RASEF: variants seen among roughly 807,000 people sequenced by gnomAD.
RASEF encodes ras and EF-hand domain-containing protein.
RASEF carries 68 observed loss-of-function variants against 90.1 expected under a neutral mutation model. The ratio of observed to expected loss-of-function variants is 0.75; its 90% confidence interval spans 0.62 to 0.92. The LOEUF (loss-of-function observed/expected upper bound fraction) is 0.92. Ranked by LOEUF, RASEF falls within the 40% of genes least tolerant of loss-of-function variation. The pLI, the probability that RASEF is intolerant of heterozygous loss-of-function variation, is 0.00. For synonymous variants in RASEF, 331 were observed against 345.2 expected, an observed-to-expected ratio of 0.96 and a Z score of 0.46; for missense variants, 949 against 937.2, an observed-to-expected ratio of 1.01 and a Z score of -0.16.
At chr9:83,026,239 A>T (rs1546316) in intron 1 of RASEF, among the ~76,000 whole-genome samples, 73,405 of 152,086 alleles carry the variant, frequency 0.48, 18,052 homozygotes, top group East Asian at 0.73. Context: ...AGGTAACATT[A>T]AATCAGTTAC....
chr9:83,112,785 A>G, the RASEF span, among the ~76,000 whole-genome samples: 1 of 152,174 alleles, frequency 6.6e-6, no homozygotes, highest in African/African-American at 2.4e-5. Flanking sequence ...ATGAAAAAAA[A>G]GATACAAAAC....
chr9:83,215,623 A>T, the RASEF span, among the ~76,000 whole-genome samples: 1 of 152,236 alleles, frequency 6.6e-6, no homozygotes, highest in African/African-American at 2.4e-5. Context: ...ACCCAGTCTC[A>T]GGTATGTCTT....
chr9:83,207,115 C>T, the RASEF span, among the ~76,000 whole-genome samples: 258 of 152,204 alleles, frequency 1.7e-3, 1 homozygote, highest in African/African-American at 6.0e-3. Context: ...GTCTCCAGTA[C>T]ACTGGCCCCA....
intron 14 of RASEF, among the ~76,000 whole-genome samples, chr9:82,995,849 A>C (rs926643355): frequency 7.9e-5 from 12 of 152,114 alleles, no homozygotes. Flanking sequence ...TCTATTCCTA[A>C]CCACTAAATA....
chr9:83,066,420 A>G (rs570327133), upstream of RASEF, among the ~76,000 whole-genome samples: 36 of 152,336 alleles, frequency 2.4e-4, no homozygotes, highest in Admixed American at 1.5e-3. Flanking sequence ...AACCCCAGCA[A>G]TATACTCAGG....
At chr9:83,063,508 A>G (rs970236674), upstream of RASEF, among the ~76,000 whole-genome samples, 6 of 152,240 alleles carry the variant, frequency 3.9e-5, no homozygotes, top group Non-Finnish European at 5.9e-5. Context: ...GAAGTTTCTT[A>G]CAAACCAAAG....
chr9:83,085,064 A>C, the RASEF span, among the ~76,000 whole-genome samples: 1 of 152,200 alleles, frequency 6.6e-6, no homozygotes, highest in African/African-American at 2.4e-5. Flanking sequence ...TTTTAAAAAG[A>C]TATATCCCAG....
chr9:83,197,777 T>C, the RASEF span, among the ~76,000 whole-genome samples: 3 of 152,162 alleles, frequency 2.0e-5, no homozygotes, highest in African/African-American at 4.8e-5. Flanking sequence ...CCTTTTTGCT[T>C]CCGTTAGTCT....
At chr9:83,060,492 T>A (rs1365589113) in intron 1 of RASEF, among the ~76,000 whole-genome samples, 1 of 152,160 alleles carries the variant, frequency 6.6e-6, no homozygotes, top group Admixed American at 6.5e-5. Context: ...CTTCTCTTTG[T>A]CCCCAGCAAC....
chr9:83,062,585 C>T lies in RASEF; in HGVS notation c.283G>A (p.Ala95Thr). 2 of 1,590,350 alleles carry T rather than the reference C, an allele frequency of 1.3e-6. No individual in the cohort carries two copies. The highest frequency in any genetic ancestry group is 1.7e-6 in the Non-Finnish European group (2 of 1,170,254). Reference protein sequence around the residue: ...PLDPAPAVSEAGPETHDSEED... With the variant: ...PLDPAPAVSETGPETHDSEED... ...TCGCTGTCGTGTGTCTCCGGCCCCG[C>T]CTCAGACACGGCGGGCGCGGGATCC... Residue 95 changes from alanine to threonine, a missense_variant, in exon 1 of 17, where the codon GCG becomes ACG. Coordinates refer to ENST00000376447, the MANE Select transcript of RASEF (RefSeq NM_152573.4).
chr9:83,014,733 G>T (rs1306732047), intron 4 of RASEF, among the ~76,000 whole-genome samples: 1 of 152,158 alleles, frequency 6.6e-6, no homozygotes, highest in African/African-American at 2.4e-5. Flanking sequence ...GAGCCAGCCT[G>T]TACCAGCAGG....
the RASEF span, among the ~76,000 whole-genome samples, chr9:83,121,849 A>G: frequency 6.6e-6 from 1 of 152,132 alleles, no homozygotes; most frequent in Non-Finnish European, 1.5e-5. Context: ...CTGAAATCCC[A>G]TTATCTAGGT....
At chr9:83,005,829 C>T (rs1023382766) in intron 7 of RASEF, among the ~76,000 whole-genome samples, 1 of 152,198 alleles carries the variant, frequency 6.6e-6, no homozygotes, top group African/African-American at 2.4e-5. Context: ...AATGCCTGAA[C>T]CTGGCCAGCC....
chr9:83,068,023 C>T (rs536171355), upstream of RASEF, among the ~76,000 whole-genome samples: 10 of 152,232 alleles, frequency 6.6e-5, no homozygotes, highest in Admixed American at 5.2e-4. Flanking sequence ...ACTACAGGCA[C>T]GCACCACTAC....
At chr9:83,032,641 G>C (rs1394002092) in intron 1 of RASEF, among the ~76,000 whole-genome samples, 1 of 152,160 alleles carries the variant, frequency 6.6e-6, no homozygotes, top group Non-Finnish European at 1.5e-5. Flanking sequence ...ATGATGATTT[G>C]TATGAACGAC....
chr9:83,049,135 A>G, intron 1 of RASEF: 1 of 232,738 alleles, frequency 4.3e-6, no homozygotes, highest in Non-Finnish European at 7.1e-6. Context: ...AAAAAAAAAA[A>G]AAAAAAGAAT....
In RASEF at chr9:83,015,886, A is replaced by G; in HGVS notation, c.684T>C (p.Ala228=). Residue 228 remains alanine, a synonymous_variant, in exon 4 of 17, where the codon GCT becomes GCC. Coordinates refer to ENST00000376447, the MANE Select transcript of RASEF (RefSeq NM_152573.4). ...GTCTGAGGTCACTGAGGGCTTCCTC[A>G]GCTTTGCGTTTTTCCTAAAAGAAAA... ...HKTRKDEKRK[A]EEALSDLRRQ... 1.2e-6 allele frequency: 2 copies of G among 1,613,538 alleles called. No homozygotes were observed. Among genetic ancestry groups the G allele is most frequent in the South Asian group, 2.2e-5 (2 of 91,056 alleles).
chr9:83,204,141 C>T, the RASEF span, among the ~76,000 whole-genome samples: 2 of 151,924 alleles, frequency 1.3e-5, no homozygotes, highest in Non-Finnish European at 2.9e-5. Context: ...TAACAGTGGA[C>T]AGGATTTAGA....
At chr9:83,067,811 C>G (rs944034316), upstream of RASEF, among the ~76,000 whole-genome samples, 3 of 152,190 alleles carry the variant, frequency 2.0e-5, no homozygotes, top group African/African-American at 7.2e-5. Context: ...CCCACATTAG[C>G]AAACTGTATG....
Sources: allele counts gnomAD v4.1 joint callset (sites outside exome capture counted in the v4.1 genomes callset), GRCh38; gene constraint gnomAD v4.1.1; transcripts MANE v1.5; gene names NCBI Gene and HGNC (gene_info 2026-07-23, HGNC 2026-07-21).